Variants in RBFOX1 observed in about 807,000 individuals in gnomAD.
The protein encoded by RBFOX1 is RNA binding protein fox-1 homolog 1.
In RBFOX1, 8 loss-of-function variants were observed where a neutral mutation model predicts 57.7. That is an observed-to-expected ratio of 0.14 (90% confidence interval 0.08 to 0.25). The LOEUF is 0.25. RBFOX1 is among the 10% of genes least tolerant of loss of function. The probability of loss-of-function intolerance (pLI) is 1.00; values close to 1 mark genes in which losing one functional copy is unlikely to be tolerated. For synonymous variants in RBFOX1, 326 were observed against 222.4 expected, an observed-to-expected ratio of 1.47 and a Z score of -4.15; for missense variants, 611 against 548.5, an observed-to-expected ratio of 1.11 and a Z score of -1.14.
rs528758807 is a variant in RBFOX1 at position 6,339,172 on chromosome 16, G to A, written c.-64+22115G>A. On this transcript the variant is annotated intron_variant, in intron 2 of 15. Coordinates refer to ENST00000550418, the MANE Select transcript of RBFOX1 (RefSeq NM_018723.4). ...GTATGCCAGGCACTGTGCTGCTGAG[G>A]AAGGCCAAGTTGACAGAGTAACTGG... 6.2e-4 allele frequency among the ~76,000 whole-genome samples: 94 copies of A among 152,330 alleles called. 1 individual carries two copies. Among genetic ancestry groups the A allele is most frequent in the African/African-American group, 2.1e-3 (88 of 41,578 alleles).
chr16:6,036,816 G>T (rs2095371318), intron 1 of RBFOX1, among the ~76,000 whole-genome samples: 1 of 152,162 alleles, frequency 6.6e-6, no homozygotes, highest in South Asian at 2.1e-4. Context: ...TGGGCAGAAG[G>T]CTCATAGCTT....
chr16:5,662,134 T>C (rs1034555395), intron 3 of RBFOX1, among the ~76,000 whole-genome samples: 2 of 152,270 alleles, frequency 1.3e-5, no homozygotes, highest in South Asian at 2.1e-4. Flanking sequence ...TTGACAAACA[T>C]CTTTCCATTT....
chr16:5,750,003 A>G (rs2053133115), intron 3 of RBFOX1, among the ~76,000 whole-genome samples: 1 of 151,868 alleles, frequency 6.6e-6, no homozygotes, highest in East Asian at 1.9e-4. Flanking sequence ...GGTTTTATGT[A>G]CCTTTGGTCT....
chr16:6,182,717 T>C (rs2097073818), intron 1 of RBFOX1, among the ~76,000 whole-genome samples: 1 of 152,188 alleles, frequency 6.6e-6, no homozygotes, highest in Non-Finnish European at 1.5e-5. Context: ...TGACCACCTG[T>C]GGACATTTAG....
chr16:6,791,373 G>C (rs1287755249), intron 3 of RBFOX1, among the ~76,000 whole-genome samples: 4 of 152,098 alleles, frequency 2.6e-5, no homozygotes, highest in Non-Finnish European at 5.9e-5. Context: ...TCTCTTTCCA[G>C]GCAGGACTGG....
intron 4 of RBFOX1, among the ~76,000 whole-genome samples, chr16:7,171,289 G>T (rs1033449800): frequency 6.6e-6 from 1 of 152,178 alleles, no homozygotes; most frequent in Non-Finnish European, 1.5e-5. Context: ...TCATCCCTAT[G>T]ATGAGGACTG....
chr16:7,121,923 A>C (rs912296683), intron 4 of RBFOX1, among the ~76,000 whole-genome samples: 3 of 144,524 alleles, frequency 2.1e-5, no homozygotes, highest in South Asian at 2.2e-4. Context: ...ATCAAAGGAG[A>C]AATGATTTTG....
chr16:6,105,635 C>T (rs1162181268), intron 1 of RBFOX1, among the ~76,000 whole-genome samples: 8 of 150,160 alleles, frequency 5.3e-5, no homozygotes, highest in African/African-American at 1.5e-4. Flanking sequence ...TGTTTTTCTG[C>T]TTATAAAATA....
intron 4 of RBFOX1, among the ~76,000 whole-genome samples, chr16:7,230,803 T>C (rs1337863910): frequency 1.3e-5 from 2 of 152,208 alleles, no homozygotes; most frequent in South Asian, 2.1e-4. Context: ...CCCCATTCTT[T>C]TTTGGTCAGT....
chr16:6,339,447 A>T (rs1437654747), intron 2 of RBFOX1, among the ~76,000 whole-genome samples: 1 of 152,094 alleles, frequency 6.6e-6, no homozygotes, highest in African/African-American at 2.4e-5. Context: ...CTCCCGGAGG[A>T]GCTGAGGGCT....
chr16:6,682,125 A>T (rs1470807256), intron 3 of RBFOX1, among the ~76,000 whole-genome samples: 5 of 152,200 alleles, frequency 3.3e-5, no homozygotes, highest in Admixed American at 3.3e-4. Flanking sequence ...GGCAATAGTG[A>T]AGTGCCTGTG....
At chr16:5,241,565 C>G (rs1359860658) in intron 1 of RBFOX1, among the ~76,000 whole-genome samples, 1 of 152,214 alleles carries the variant, frequency 6.6e-6, no homozygotes, top group Non-Finnish European at 1.5e-5. Flanking sequence ...CCCTCCTTAG[C>G]TGGCTGACAT....
intron 3 of RBFOX1, among the ~76,000 whole-genome samples, chr16:6,937,089 T>C (rs1276048042): frequency 6.6e-6 from 1 of 151,898 alleles, no homozygotes; most frequent in Admixed American, 6.6e-5. Context: ...ACTTAAAGTA[T>C]GATAATAAAA....
intron 1 of RBFOX1, among the ~76,000 whole-genome samples, chr16:5,408,345 A>G (rs1027981665): frequency 7.2e-5 from 11 of 152,226 alleles, no homozygotes; most frequent in Admixed American, 7.2e-4. Flanking sequence ...ATATGAATCA[A>G]TACATTCCTT....
intron 3 of RBFOX1, among the ~76,000 whole-genome samples, chr16:6,961,527 C>G (rs1459466967): frequency 6.6e-6 from 1 of 152,188 alleles, no homozygotes; most frequent in East Asian, 1.9e-4. Context: ...TCCGTAAAGT[C>G]AAAGCAAGTT....
intron 2 of RBFOX1, among the ~76,000 whole-genome samples, chr16:5,519,288 A>G (rs926035990): frequency 1.3e-5 from 2 of 152,198 alleles, no homozygotes; most frequent in African/African-American, 2.4e-5. Context: ...CCATGCTAGC[A>G]TGGTTGTTTT....
At chr16:5,256,845 A>C (rs556395094) in intron 1 of RBFOX1, among the ~76,000 whole-genome samples, 1 of 152,156 alleles carries the variant, frequency 6.6e-6, no homozygotes, top group East Asian at 1.9e-4. Flanking sequence ...GAGGCACAAG[A>C]ATCATTTGAG....
chr16:6,002,401 C>T (rs556762482), intron 4 of RBFOX1, among the ~76,000 whole-genome samples: 202 of 152,336 alleles, frequency 1.3e-3, no homozygotes, highest in African/African-American at 4.7e-3. Context: ...GAAGTAGCAG[C>T]TCTGGCTGTG....
intron 4 of RBFOX1, among the ~76,000 whole-genome samples, chr16:7,166,740 C>G (rs180693755): frequency 3.9e-5 from 6 of 152,016 alleles, no homozygotes; most frequent in African/African-American, 1.4e-4. Flanking sequence ...AGGCAGACTT[C>G]AGCAGCATCC....
Sources: gnomAD v4.1 joint callset for allele counts (sites outside exome capture counted in the v4.1 genomes callset) on GRCh38, gnomAD v4.1.1 for gene constraint, MANE v1.5 for transcripts, NCBI Gene and HGNC (gene_info 2026-07-23, HGNC 2026-07-21) for gene names.